Variants in GRIA4 observed in about 807,000 individuals in gnomAD.
GRIA4 encodes glutamate ionotropic receptor AMPA type subunit 4.
Under a neutral mutation model 104.0 loss-of-function variants are expected in GRIA4, and 34 were observed. The ratio of observed to expected loss-of-function variants is 0.33; its 90% confidence interval spans 0.25 to 0.44. The LOEUF (loss-of-function observed/expected upper bound fraction) is 0.44. Among genes scored for constraint, GRIA4 ranks in the 20% least tolerant of loss-of-function variants. GRIA4 has a pLI of 1.00. For synonymous variants in GRIA4, 386 were observed against 381.9 expected (o/e 1.01, Z -0.13); for missense variants, 750 against 1,096.5 (o/e 0.68, Z 4.46).
chr11:105,693,719 C>T (rs1953170226), intron 3 of GRIA4, among the ~76,000 whole-genome samples: 1 of 152,224 alleles, frequency 6.6e-6, no homozygotes, highest in South Asian at 2.1e-4. Flanking sequence ...TTTGACAGCA[C>T]AGTTGGGATT....
At chr11:105,899,077 C>G (rs920543160) in intron 7 of GRIA4, among the ~76,000 whole-genome samples, 1 of 152,170 alleles carries the variant, frequency 6.6e-6, no homozygotes, top group East Asian at 1.9e-4. Flanking sequence ...TCATCATTTG[C>G]TAATCTTTTA....
At chr11:105,699,632 T>G (rs184140368) in intron 3 of GRIA4, among the ~76,000 whole-genome samples, 137 of 152,308 alleles carry the variant, frequency 9.0e-4, no homozygotes, top group Middle Eastern at 3.4e-3. Context: ...TATTTATCTT[T>G]GTTTCTATTG....
chr11:105,770,436 T>C (rs1048324831), intron 4 of GRIA4, among the ~76,000 whole-genome samples: 2 of 152,112 alleles, frequency 1.3e-5, no homozygotes, highest in African/African-American at 4.8e-5. Context: ...GTAAGTTAAA[T>C]AAGTTTGGAT....
chr11:105,735,354 A>G (rs560260414), intron 3 of GRIA4, among the ~76,000 whole-genome samples: 1 of 152,188 alleles, frequency 6.6e-6, no homozygotes, highest in Non-Finnish European at 1.5e-5. Flanking sequence ...TAATTTATTA[A>G]ATATGTAAAT....
chr11:105,802,568 C>T (rs1942766330), intron 4 of GRIA4, among the ~76,000 whole-genome samples: 1 of 151,996 alleles, frequency 6.6e-6, no homozygotes, highest in South Asian at 2.1e-4. Flanking sequence ...TATTAAACTT[C>T]TCAGTCTATT....
At chr11:105,868,110 G>T (rs1945494473) in intron 5 of GRIA4, among the ~76,000 whole-genome samples, 1 of 152,124 alleles carries the variant, frequency 6.6e-6, no homozygotes, top group Non-Finnish European at 1.5e-5. Flanking sequence ...AATGTATGAA[G>T]AATCCAGAAG....
At chr11:105,979,541 C>A (rs778249745) in intron 16 of GRIA4, 34 bp from the exon 17 acceptor site, 4 of 1,597,240 alleles carry the variant, frequency 2.5e-6, no homozygotes, top group Non-Finnish European at 1.7e-6. Flanking sequence ...GGTAACACTC[C>A]GCGTTCTTTC....
At chr11:105,927,586 T>C (rs919547263) in intron 13 of GRIA4, among the ~76,000 whole-genome samples, 19 of 152,126 alleles carry the variant, frequency 1.2e-4, no homozygotes, top group Admixed American at 7.9e-4. Context: ...ACATGTATAA[T>C]TGCATTATAT....
rs143077344 is a variant in GRIA4, at chr11:105,858,026, G to T, written c.488-3998G>T. Among the ~76,000 whole-genome samples, 10 of 152,164 alleles carry T rather than the reference G, an allele frequency of 6.6e-5. No homozygotes were observed. In the East Asian group the frequency reaches 1.9e-3, roughly 29 times the overall value. ...TGTAAGGGTGCAGTAGCTCAGGACT[G>T]CTTACCTCATTTTGATTCTATTTAA... On this transcript the variant is annotated intron_variant, in intron 4 of 16. Coordinates refer to ENST00000282499, the MANE Select transcript of GRIA4 (RefSeq NM_000829.4).
intron 3 of GRIA4, among the ~76,000 whole-genome samples, chr11:105,678,051 C>T (rs958835487): frequency 5.3e-5 from 8 of 152,018 alleles, no homozygotes; most frequent in Admixed American, 3.3e-4. Flanking sequence ...AGTAGACACT[C>T]GATAAATATT....
In GRIA4 at chr11:105,670,901, C is replaced by T. The variant is rs542612652; in HGVS notation, c.247+58467C>T. On this transcript the variant is annotated intron_variant, in intron 3 of 16. Coordinates refer to ENST00000282499, the MANE Select transcript of GRIA4 (RefSeq NM_000829.4). ...AATCAATAGATCAGTAAGGCTACATCCCTTTCTTGTGGTGGTAGGAGTCTG... is the reference window on the plus strand; with the variant it reads ...AATCAATAGATCAGTAAGGCTACATTCCTTTCTTGTGGTGGTAGGAGTCTG... Among the ~76,000 whole-genome samples the T allele has an allele frequency of 2.6e-5, 4 of 152,230 alleles. No individual in the cohort carries two copies. The East Asian group carries it at 7.7e-4, about 29-fold the overall frequency.
intron 10 of GRIA4, among the ~76,000 whole-genome samples, chr11:105,910,966 A>C (rs1947215480): frequency 6.6e-6 from 1 of 152,132 alleles, no homozygotes; most frequent in Non-Finnish European, 1.5e-5. Context: ...GTTTAAAATT[A>C]TAATTTTCAG....
chr11:105,783,140 T>C (rs537098072), intron 4 of GRIA4, among the ~76,000 whole-genome samples: 1 of 152,122 alleles, frequency 6.6e-6, no homozygotes, highest in Non-Finnish European at 1.5e-5. Flanking sequence ...TGGAAGAAAA[T>C]TAAGAGTAAA....
chr11:105,719,564 A>C (rs775912986), intron 3 of GRIA4, among the ~76,000 whole-genome samples: 1 of 152,182 alleles, frequency 6.6e-6, no homozygotes, highest in African/African-American at 2.4e-5. Context: ...AGGACCCTAC[A>C]GTCACTCAAA....
At chr11:105,818,318 G>A (rs1591302725) in intron 4 of GRIA4, among the ~76,000 whole-genome samples, 1 of 152,210 alleles carries the variant, frequency 6.6e-6, no homozygotes, top group South Asian at 2.1e-4. Context: ...CTGTTACTCA[G>A]GGAAGAGATG....
intron 3 of GRIA4, among the ~76,000 whole-genome samples, chr11:105,690,310 C>T (rs187699876): frequency 2.0e-5 from 3 of 152,224 alleles, no homozygotes; most frequent in South Asian, 2.1e-4. Flanking sequence ...TTCCTTAACC[C>T]GGCTCAAATT....
intron 14 of GRIA4, among the ~76,000 whole-genome samples, chr11:105,952,189 G>A (rs1018866207): frequency 2.0e-5 from 3 of 152,024 alleles, no homozygotes; most frequent in Non-Finnish European, 2.9e-5. Context: ...AATGTTATTC[G>A]AATTTAGAAC....
intron 4 of GRIA4, among the ~76,000 whole-genome samples, chr11:105,810,576 A>G (rs1356447869): frequency 6.6e-6 from 1 of 152,198 alleles, no homozygotes; most frequent in Non-Finnish European, 1.5e-5. Context: ...CATCTCTGTC[A>G]GTAACAAAAC....
At chr11:105,791,140 C>A (rs1942196922) in intron 4 of GRIA4, among the ~76,000 whole-genome samples, 1 of 152,052 alleles carries the variant, frequency 6.6e-6, no homozygotes, top group Non-Finnish European at 1.5e-5. Flanking sequence ...TTTTTTCCCC[C>A]TAAATTGGCT....
Sources: allele counts gnomAD v4.1 joint callset (sites outside exome capture counted in the v4.1 genomes callset), GRCh38; gene constraint gnomAD v4.1.1; transcripts MANE v1.5; gene names NCBI Gene and HGNC (gene_info 2026-07-23, HGNC 2026-07-21).